Variants in TMEM45B observed in about 807,000 individuals in gnomAD.
TMEM45B encodes transmembrane protein 45B.
TMEM45B carries 29 observed loss-of-function variants against 27.3 expected under a neutral mutation model. The observed-to-expected ratio is 1.06, with a 90% CI of 0.79 to 1.45. The LOEUF (loss-of-function observed/expected upper bound fraction) is 1.45, where lower values mean the gene tolerates loss of function less well. Among genes scored for constraint, TMEM45B ranks in the 40% most tolerant of loss-of-function variants. TMEM45B has a pLI of 0.00. For synonymous variants in TMEM45B, 143 were observed against 134.7 expected, an observed-to-expected ratio of 1.06 and a Z score of -0.43; for missense variants, 348 against 343.9, an observed-to-expected ratio of 1.01 and a Z score of -0.09.
chr11:129,830,732 C>T (rs1032832680), intron 1 of TMEM45B, among the ~76,000 whole-genome samples: 14 of 152,116 alleles, frequency 9.2e-5, no homozygotes, highest in African/African-American at 2.4e-4. Context: ...CTAATCATTA[C>T]GGAAACAAAA....
chr11:129,830,057 G>C (rs537885054), intron 1 of TMEM45B, among the ~76,000 whole-genome samples: 1 of 152,352 alleles, frequency 6.6e-6, no homozygotes, highest in African/African-American at 2.4e-5. Context: ...GAGGTCAGGT[G>C]CAGTGGTTCA....
At chr11:129,826,122 TC>T in intron 1 of TMEM45B, among the ~76,000 whole-genome samples, 1 of 152,158 alleles carries the variant, frequency 6.6e-6, no homozygotes, top group African/African-American at 2.4e-5. Flanking sequence ...AGTTTCATCC[TC>T]CCTTCTCCAT....
At chr11:129,833,892 C>A (rs1947584913) in intron 1 of TMEM45B, among the ~76,000 whole-genome samples, 1 of 152,192 alleles carries the variant, frequency 6.6e-6, no homozygotes, top group African/African-American at 2.4e-5. Context: ...ACCCATTCTG[C>A]CAATGCATTG....
chr11:129,832,745 G>C (rs1397444741), intron 1 of TMEM45B, among the ~76,000 whole-genome samples: 4 of 152,128 alleles, frequency 2.6e-5, no homozygotes, highest in African/African-American at 9.7e-5. Flanking sequence ...TATGTCATTA[G>C]GAGTGGGTTT....
chr11:129,856,850 C>T (rs1447772509), intron 4 of TMEM45B, among the ~76,000 whole-genome samples: 10 of 137,974 alleles, frequency 7.2e-5, no homozygotes, highest in Non-Finnish European at 1.4e-4. Context: ...TGAGCCACCG[C>T]GCCCGGCTTT....
chr11:129,859,414 T>C lies in TMEM45B; in HGVS notation c.*729T>C, dbSNP rs1410345843. 1 of 152,172 alleles carries C rather than the reference T, an allele frequency of 6.6e-6. No individual in the cohort carries two copies. Among genetic ancestry groups the C allele is most frequent in the Non-Finnish European group, 1.5e-5 (1 of 68,042 alleles). The allele number at this position is 152,172 out of a possible 1,614,324, so 9.4% of individuals were successfully genotyped here. ...CTGACAGGAAAGCTGTATAATGAGATAGAAAAACGTCAGGTATGGAAGGCT... is the reference window on the plus strand; with the variant it reads ...CTGACAGGAAAGCTGTATAATGAGACAGAAAAACGTCAGGTATGGAAGGCT... On this transcript the variant is annotated 3_prime_UTR_variant, in exon 6 of 6. Coordinates refer to ENST00000281441, the MANE Select transcript of TMEM45B (RefSeq NM_138788.5).
chr11:129,848,516 AGGGAG>A (rs1947800961), intron 1 of TMEM45B, among the ~76,000 whole-genome samples: 3 of 150,432 alleles, frequency 2.0e-5, no homozygotes, highest in South Asian at 2.1e-4. Context: ...AGAGAGGGAG[AGGGAG>A]AGGGAGAGGG....
At chr11:129,819,801 C>A (rs980906439) in intron 1 of TMEM45B, among the ~76,000 whole-genome samples, 6 of 151,660 alleles carry the variant, frequency 4.0e-5, no homozygotes, top group African/African-American at 1.5e-4. Flanking sequence ...TGATCTGCCC[C>A]CCTCGGCCTC....
chr11:129,820,917 C>T (rs1224779356), intron 1 of TMEM45B, among the ~76,000 whole-genome samples: 6 of 152,032 alleles, frequency 3.9e-5, no homozygotes, highest in Non-Finnish European at 8.8e-5. Flanking sequence ...AGATACGGGC[C>T]ATTTCTTCTT....
intron 1 of TMEM45B, among the ~76,000 whole-genome samples, chr11:129,847,357 G>A (rs572294133): frequency 1.0e-3 from 154 of 152,232 alleles, no homozygotes; most frequent in Admixed American, 4.6e-3. Context: ...TCTTTCATAC[G>A]AGTTGATTTT....
rs1318350225 is a variant in TMEM45B at position 129,859,014 on chromosome 11, G to A, written c.*329G>A. Reference sequence around the variant, plus strand: ...TGCTAAAAGCTTTACAATGGAAGTGGCCTCATGGATGAATCCGGGGTATGA... The same window carrying A: ...TGCTAAAAGCTTTACAATGGAAGTGACCTCATGGATGAATCCGGGGTATGA... On this transcript the variant is annotated 3_prime_UTR_variant, in exon 6 of 6. Transcript: ENST00000281441. 6.3e-6 allele frequency: 1 copy of A among 159,260 alleles called. No individual in the cohort carries two copies. The highest frequency in any genetic ancestry group is 1.4e-5 in the Non-Finnish European group (1 of 72,886). 9.9% of individuals were successfully genotyped at this position (159,260 alleles called of 1,614,324 possible).
intron 1 of TMEM45B, chr11:129,827,262 A>C (rs692196): frequency 0.32 from 49,411 of 152,170 alleles, 8,637 homozygotes; most frequent in East Asian, 0.48. Context: ...TGTTGTGTGG[A>C]CATCCTAGAG....
intron 1 of TMEM45B, among the ~76,000 whole-genome samples, chr11:129,846,961 AAGAGATGGCTC>A (rs1947768409): frequency 6.6e-6 from 1 of 152,220 alleles, no homozygotes; most frequent in Admixed American, 6.5e-5. Context: ...GGAGAAATCA[AAGAGATGGCTC>A]AGGATCGTAT....
rs1947983734 is a variant in TMEM45B at position 129,859,809 on chromosome 11, A to T, written c.*1124A>T. 6.6e-6 allele frequency: 1 copy of T among 152,224 alleles called. No individual in the cohort carries two copies. The highest frequency in any genetic ancestry group is 6.5e-5 in the Admixed American group (1 of 15,268). The allele number at this position is 152,224 out of a possible 1,614,324, so 9.4% of individuals were successfully genotyped here. A position where few individuals can be genotyped will look rare whatever the true frequency, so the allele number is the denominator to read the frequency against. The stretch of plus-strand genomic sequence containing the variant: ...ACTCCAGCCTAGGTGACAGAGCAAG[A>T]CTCTGTCTCAAAAACAAGCAAACAG... On this transcript the variant is annotated 3_prime_UTR_variant, in exon 6 of 6. Coordinates refer to ENST00000281441, the MANE Select transcript of TMEM45B (RefSeq NM_138788.5).
chr11:129,856,454 G>A (rs1490772760), intron 4 of TMEM45B, among the ~76,000 whole-genome samples: 3 of 151,108 alleles, frequency 2.0e-5, no homozygotes, highest in Non-Finnish European at 2.9e-5. Context: ...CGAGTGATCC[G>A]CCTGCCTCAG....
In TMEM45B at chr11:129,852,581, G is replaced by A. The variant is rs149203991; in HGVS notation, c.99G>A (p.Thr33=). The A allele has an allele frequency of 2.3e-5, 37 of 1,613,832 alleles. No homozygotes were observed. Among genetic ancestry groups the A allele is most frequent in the African/African-American group, 4.0e-5 (3 of 74,876 alleles). ...VKYPLKYFSH[T]RKNSPLHYYQ... is the part of the protein sequence containing the mutation. Reference sequence around the variant, plus strand: ...ACCCGCTGAAGTACTTTAGCCACACGCGGAAGAACAGCCCACTACATTACT... The same window carrying A: ...ACCCGCTGAAGTACTTTAGCCACACACGGAAGAACAGCCCACTACATTACT... The change falls in exon 2 of 6, where the codon ACG becomes ACA. Residue 33 remains threonine (T), a synonymous_variant. Coordinates refer to ENST00000281441, the MANE Select transcript of TMEM45B (RefSeq NM_138788.5).
Position 129,854,691 on chromosome 11 carries a change from G to A in TMEM45B, c.260G>A (p.Trp87Ter). The A allele has an allele frequency of 1.2e-6, 2 of 1,614,204 alleles. No individual in the cohort carries two copies. Among genetic ancestry groups the A allele is most frequent in the Non-Finnish European group, 1.7e-6 (2 of 1,180,044 alleles). ...AACCACTGGATAAAGTTAATGAATT[G>A]GCAGCACAGCACCATGTACCTATTC... Reference protein sequence around the residue: ...HENHWIKLMNWQHSTMYLFFA... With the variant: ...HENHWIKLMN Residue 87 changes from tryptophan to a stop codon, truncating the protein, a stop_gained, in exon 3 of 6, where the codon TGG becomes TAG. Transcript: ENST00000281441. LOFTEE classifies it high-confidence loss of function.
chr11:129,828,195 AAGAG>A (rs1391791889), intron 1 of TMEM45B: 1 of 152,162 alleles, frequency 6.6e-6, no homozygotes, highest in Non-Finnish European at 1.5e-5. Context: ...AAATTTTAGA[AAGAG>A]AGAGACAGCA....
At chr11:129,849,082 A>G (rs1257205505) in intron 1 of TMEM45B, among the ~76,000 whole-genome samples, 1 of 152,134 alleles carries the variant, frequency 6.6e-6, no homozygotes, top group East Asian at 1.9e-4. Context: ...CATTCATTCC[A>G]CCACAATTGC....
Sources: allele counts gnomAD v4.1 joint callset (sites outside exome capture counted in the v4.1 genomes callset), GRCh38; gene constraint gnomAD v4.1.1; transcripts MANE v1.5; gene names NCBI Gene and HGNC (gene_info 2026-07-23, HGNC 2026-07-21).